THSD7B: variants seen among roughly 807,000 people sequenced by gnomAD.
THSD7B encodes the protein thrombospondin type 1 domain containing 7B, also known as thrombospondin type-1 domain-containing protein 7B.
A neutral mutation model predicts 213.6 loss-of-function variants in THSD7B; 138 were observed. The observed-to-expected ratio is 0.65, with a 90% CI of 0.56 to 0.74. THSD7B has a LOEUF of 0.74. Among genes scored for constraint, THSD7B ranks in the 30% least tolerant of loss-of-function variants. The pLI is 0.00. For missense variants in THSD7B, 1,931 were observed against 1,991.5 expected, an observed-to-expected ratio of 0.97 and a Z score of 0.58; for synonymous variants, 742 against 687.0, an observed-to-expected ratio of 1.08 and a Z score of -1.25.
At chr2:137,225,347 T>TC (rs1308150152) in intron 7 of THSD7B, among the ~76,000 whole-genome samples, 1 of 152,194 alleles carries the variant, frequency 6.6e-6, no homozygotes, top group Non-Finnish European at 1.5e-5. Flanking sequence ...CTGGGCTTGC[T>TC]CCCCCAGTGC....
At chr2:137,355,418 T>A (rs1685104542) in intron 12 of THSD7B, among the ~76,000 whole-genome samples, 1 of 152,198 alleles carries the variant, frequency 6.6e-6, no homozygotes, top group Non-Finnish European at 1.5e-5. Context: ...CTAAAATGTT[T>A]CATAAACACA....
intron 2 of THSD7B, among the ~76,000 whole-genome samples, chr2:136,946,265 C>G (rs555588764): frequency 2.0e-5 from 3 of 152,174 alleles, no homozygotes; most frequent in South Asian, 4.1e-4. Flanking sequence ...CACTCCAGAC[C>G]CTGTTTGCCT....
Position 137,156,661 on chromosome 2 carries a change from T to C in THSD7B, c.1370-3552T>C, listed in dbSNP as rs1323408091. ...CCAAAAATAAGCCACATAAGCATAA[T>C]ATCTGTGGAGACACAGTGTCCTTGA... On this transcript the variant is annotated intron_variant, in intron 5 of 27. Coordinates refer to ENST00000409968, the MANE Select transcript of THSD7B (RefSeq NM_001316349.2). Among the ~76,000 whole-genome samples, 4 of 152,182 alleles carry C rather than the reference T, an allele frequency of 2.6e-5. 1 individual carries two copies. Among genetic ancestry groups the C allele is most frequent in the Middle Eastern group, 6.3e-3 (2 of 316 alleles).
At chr2:137,002,379 GA>G (rs1383998997) in intron 2 of THSD7B, among the ~76,000 whole-genome samples, 1 of 152,116 alleles carries the variant, frequency 6.6e-6, no homozygotes, top group African/African-American at 2.4e-5. Flanking sequence ...CCAAGATTAT[GA>G]GATCCTTCAG....
intron 10 of THSD7B, among the ~76,000 whole-genome samples, chr2:137,261,237 G>A (rs1471363321): frequency 6.7e-6 from 1 of 148,424 alleles, no homozygotes; most frequent in African/African-American, 2.4e-5. Context: ...GAAGAGGGAT[G>A]CTTAGGTGAG....
At chr2:136,834,645 A>G (rs1183427546) in intron 1 of THSD7B, among the ~76,000 whole-genome samples, 1 of 152,110 alleles carries the variant, frequency 6.6e-6, no homozygotes, top group Non-Finnish European at 1.5e-5. Flanking sequence ...ATGGAAATAC[A>G]TTCTATAAAT....
At chr2:137,403,291 TA>T (rs1256514528) in intron 12 of THSD7B, among the ~76,000 whole-genome samples, 2 of 151,756 alleles carry the variant, frequency 1.3e-5, no homozygotes, top group African/African-American at 4.8e-5. Context: ...AAAATAAAAA[TA>T]AAAAAAGATA....
At chr2:137,194,438 A>G (rs1680721206) in intron 7 of THSD7B, among the ~76,000 whole-genome samples, 1 of 152,232 alleles carries the variant, frequency 6.6e-6, no homozygotes, top group African/African-American at 2.4e-5. Flanking sequence ...CTGAGTAAGC[A>G]GTCTTGGAAA....
intron 10 of THSD7B, among the ~76,000 whole-genome samples, chr2:137,245,863 AAACTTGAATGTGCATAC>A (rs529705458): frequency 3.0e-4 from 45 of 152,346 alleles, no homozygotes; most frequent in African/African-American, 9.9e-4. Context: ...AGTACTTCTC[AAACTTGAATGTGCATAC>A]AAGTCCCCTG....
At chr2:136,811,495 A>G (rs72850057) in intron 1 of THSD7B, among the ~76,000 whole-genome samples, 22,117 of 152,092 alleles carry the variant, frequency 0.15, 1,753 homozygotes, top group Middle Eastern at 0.31. Flanking sequence ...GATTAAATAA[A>G]TTAATTCCAT....
intron 3 of THSD7B, among the ~76,000 whole-genome samples, chr2:137,063,724 A>C (rs1392577605): frequency 6.6e-6 from 1 of 151,978 alleles, no homozygotes; most frequent in Non-Finnish European, 1.5e-5. Flanking sequence ...TAGCTCCATG[A>C]GTTCAATTGT....
At chr2:136,802,066 C>A (rs1392217744) in intron 1 of THSD7B, among the ~76,000 whole-genome samples, 2 of 151,976 alleles carry the variant, frequency 1.3e-5, no homozygotes, top group Admixed American at 6.6e-5. Context: ...TCCTGGTAAA[C>A]CTCCCTGAAT....
At chr2:136,880,417 AT>A (rs1683599178) in intron 1 of THSD7B, among the ~76,000 whole-genome samples, 1 of 151,746 alleles carries the variant, frequency 6.6e-6, no homozygotes, top group Admixed American at 6.6e-5. Context: ...ATATCTTTTT[AT>A]TTTTCATAAT....
At chr2:136,907,312 T>C (rs1191854561) in intron 2 of THSD7B, among the ~76,000 whole-genome samples, 2 of 152,124 alleles carry the variant, frequency 1.3e-5, no homozygotes, top group Non-Finnish European at 1.5e-5. Context: ...ATATTTTTTA[T>C]TAAAATGGGC....
intron 9 of THSD7B, among the ~76,000 whole-genome samples, chr2:137,234,445 C>T (rs1681719193): frequency 6.6e-6 from 1 of 152,146 alleles, no homozygotes; most frequent in African/African-American, 2.4e-5. Context: ...CTTACGGCAG[C>T]AGATAGAGTG....
At chr2:136,890,808 T>G (rs1683839786) in intron 2 of THSD7B, among the ~76,000 whole-genome samples, 1 of 151,710 alleles carries the variant, frequency 6.6e-6, no homozygotes, top group African/African-American at 2.4e-5. Flanking sequence ...CCCAAAGTGC[T>G]GGGATTATAG....
chr2:137,253,240 G>T (rs1162106221), intron 10 of THSD7B, among the ~76,000 whole-genome samples: 1 of 152,008 alleles, frequency 6.6e-6, no homozygotes, highest in Non-Finnish European at 1.5e-5. Context: ...CTGTTTGGTT[G>T]TCTTATAAAA....
chr2:137,097,087 T>C (rs566310578), intron 4 of THSD7B, among the ~76,000 whole-genome samples: 18 of 152,318 alleles, frequency 1.2e-4, no homozygotes, highest in African/African-American at 3.4e-4. Flanking sequence ...TTCTTAATGG[T>C]ATACAGGCAG....
At chr2:137,107,842 A>T (rs1036129208) in intron 4 of THSD7B, among the ~76,000 whole-genome samples, 26 of 152,206 alleles carry the variant, frequency 1.7e-4, no homozygotes, top group Non-Finnish European at 2.2e-4. Context: ...TGCACTTCAC[A>T]GTAGCTTTCC....
Sources: gnomAD v4.1 joint callset for allele counts (sites outside exome capture counted in the v4.1 genomes callset) on GRCh38, gnomAD v4.1.1 for gene constraint, MANE v1.5 for transcripts, NCBI Gene and HGNC (gene_info 2026-07-23, HGNC 2026-07-21) for gene names.